Variants in IL15 observed in about 807,000 individuals in gnomAD.
IL15 encodes interleukin 15, also known as interleukin-15.
Under a neutral mutation model 19.6 loss-of-function variants are expected in IL15, and 11 were observed. The observed-to-expected ratio is 0.56, with a 90% confidence interval of 0.35 to 0.93. The LOEUF is 0.93. Among genes scored for constraint, IL15 ranks in the 40% least tolerant of loss-of-function variants. The pLI, the probability that IL15 is intolerant of heterozygous loss-of-function variation, is 0.01. For synonymous variants in IL15, 58 were observed against 59.6 expected, an observed-to-expected ratio of 0.97 and a Z score of 0.12; for missense variants, 197 against 186.5, an observed-to-expected ratio of 1.06 and a Z score of -0.33.
At chr4:141,697,294 A>G (rs528038064) in intron 2 of IL15, among the ~76,000 whole-genome samples, 4 of 151,970 alleles carry the variant, frequency 2.6e-5, no homozygotes, top group African/African-American at 9.6e-5. Flanking sequence ...TGTTTTTGTA[A>G]ACTTTGACAA....
intron 2 of IL15, among the ~76,000 whole-genome samples, chr4:141,677,618 C>T (rs1490931230): frequency 6.6e-6 from 1 of 152,132 alleles, no homozygotes; most frequent in African/African-American, 2.4e-5. Flanking sequence ...AGGGGCTGCT[C>T]ACCACTCCTG....
intron 7 of IL15, among the ~76,000 whole-genome samples, chr4:141,732,233 G>A (rs540883197): frequency 1.3e-5 from 2 of 152,266 alleles, no homozygotes; most frequent in South Asian, 4.1e-4. Context: ...TCTTAAGTGC[G>A]AGTAGCAGCA....
chr4:141,692,083 C>T (rs986116929), intron 2 of IL15, among the ~76,000 whole-genome samples: 2 of 152,240 alleles, frequency 1.3e-5, no homozygotes, highest in Admixed American at 1.3e-4. Flanking sequence ...CACCTGCAGG[C>T]CAAACACCAT....
intron 2 of IL15, among the ~76,000 whole-genome samples, chr4:141,709,853 T>C (rs1729654920): frequency 6.6e-6 from 1 of 152,102 alleles, no homozygotes; most frequent in African/African-American, 2.4e-5. Flanking sequence ...GTTTGGTGTA[T>C]GAATGATGCC....
At chr4:141,706,606 A>G (rs1249953125) in intron 2 of IL15, among the ~76,000 whole-genome samples, 1 of 152,060 alleles carries the variant, frequency 6.6e-6, no homozygotes, top group Non-Finnish European at 1.5e-5. Flanking sequence ...AAGATCAGTT[A>G]AGTGGTGATG....
chr4:141,662,111 C>G (rs1727811082), intron 2 of IL15, among the ~76,000 whole-genome samples: 1 of 152,158 alleles, frequency 6.6e-6, no homozygotes, highest in Admixed American at 6.5e-5. Flanking sequence ...CATGACTTGC[C>G]TTAGGCCCAA....
intron 2 of IL15, among the ~76,000 whole-genome samples, chr4:141,673,574 C>T (rs1728244431): frequency 6.6e-6 from 1 of 152,142 alleles, no homozygotes; most frequent in Non-Finnish European, 1.5e-5. Context: ...GATCATATTG[C>T]CCCACTGTTC....
At chr4:141,658,966 TCTC>T (rs1417314557) in intron 2 of IL15, among the ~76,000 whole-genome samples, 1 of 151,578 alleles carries the variant, frequency 6.6e-6, no homozygotes, top group Non-Finnish European at 1.5e-5. Context: ...TTCAAGCCAT[TCTC>T]CTGCCTCAGC....
intron 1 of IL15, among the ~76,000 whole-genome samples, chr4:141,646,113 G>A (rs2152152805): frequency 6.6e-6 from 1 of 152,108 alleles, no homozygotes; most frequent in Non-Finnish European, 1.5e-5. Context: ...GTTCATGGGG[G>A]GAAGGCACTG....
intron 2 of IL15, among the ~76,000 whole-genome samples, chr4:141,671,648 G>T (rs1728180481): frequency 6.6e-6 from 1 of 152,058 alleles, no homozygotes; most frequent in African/African-American, 2.4e-5. Context: ...TAGTCCAGCT[G>T]GATTTTCTTA....
chr4:141,669,980 A>C (rs1313540533), intron 2 of IL15, among the ~76,000 whole-genome samples: 1 of 151,758 alleles, frequency 6.6e-6, no homozygotes, highest in Non-Finnish European at 1.5e-5. Flanking sequence ...AAGATAGATT[A>C]TTATTGTAAA....
rs544039904 is a variant in IL15 at position 141,672,864 on chromosome 4, G to A, written c.-100+16557G>A. Reference sequence around the variant, plus strand: ...ATATGTTGCCCTCTCAGGTTGAAGCGCACCCTACTATTCTTTTGATGAGTG... The same window carrying A: ...ATATGTTGCCCTCTCAGGTTGAAGCACACCCTACTATTCTTTTGATGAGTG... On this transcript the variant is annotated intron_variant, in intron 2 of 7. Coordinates refer to ENST00000320650, the MANE Select transcript of IL15 (RefSeq NM_000585.5). Among the ~76,000 whole-genome samples the A allele has an allele frequency of 1.4e-4, 21 of 152,200 alleles. No individual in the cohort carries two copies. In the East Asian group the frequency reaches 2.1e-3, roughly 15 times the overall value.
intron 5 of IL15, among the ~76,000 whole-genome samples, chr4:141,727,606 A>C (rs1035967253): frequency 6.6e-6 from 1 of 152,062 alleles, no homozygotes; most frequent in Non-Finnish European, 1.5e-5. Flanking sequence ...AATCTATGCA[A>C]ATGATAAAAT....
At chr4:141,688,539 G>A (rs189864375) in intron 2 of IL15, among the ~76,000 whole-genome samples, 1 of 152,266 alleles carries the variant, frequency 6.6e-6, no homozygotes, top group East Asian at 1.9e-4. Flanking sequence ...GCAATTAGAA[G>A]CCTTTCACTG....
intron 2 of IL15, among the ~76,000 whole-genome samples, chr4:141,661,925 T>C (rs1727804556): frequency 6.6e-6 from 1 of 152,236 alleles, no homozygotes; most frequent in Non-Finnish European, 1.5e-5. Context: ...CATACCTTTA[T>C]TGTTTTTCTG....
chr4:141,654,045 G>A (rs1284911861), intron 1 of IL15, among the ~76,000 whole-genome samples: 1 of 152,170 alleles, frequency 6.6e-6, no homozygotes, highest in Non-Finnish European at 1.5e-5. Flanking sequence ...ATTGTTTTAG[G>A]TCAGGTTCTT....
chr4:141,690,362 C>T (rs546330585), intron 2 of IL15, among the ~76,000 whole-genome samples: 1 of 152,298 alleles, frequency 6.6e-6, no homozygotes, highest in Admixed American at 6.5e-5. Flanking sequence ...GGAGCCCAGG[C>T]AGAGGAGTCG....
intron 2 of IL15, among the ~76,000 whole-genome samples, chr4:141,706,735 G>C (rs1729529158): frequency 6.6e-6 from 1 of 151,262 alleles, no homozygotes. Flanking sequence ...TCAGCACTTT[G>C]AATATGTCAT....
chr4:141,691,612 A>G (rs2152177483), intron 2 of IL15, among the ~76,000 whole-genome samples: 1 of 152,324 alleles, frequency 6.6e-6, no homozygotes, highest in East Asian at 1.9e-4. Context: ...CACAGGTTCC[A>G]TGCAAGTCCA....
Sources: gnomAD v4.1 joint callset for allele counts (sites outside exome capture counted in the v4.1 genomes callset) on GRCh38, gnomAD v4.1.1 for gene constraint, MANE v1.5 for transcripts, NCBI Gene and HGNC (gene_info 2026-07-23, HGNC 2026-07-21) for gene names.